ZNF680: variants seen among roughly 807,000 people sequenced by gnomAD.
ZNF680 encodes the protein zinc finger protein 680, also known as hypothetical protein FLJ90430.
ZNF680 carries 6 observed loss-of-function variants against 12.1 expected under a neutral mutation model. That is an observed-to-expected ratio of 0.49 (90% CI 0.27 to 0.98). The LOEUF (loss-of-function observed/expected upper bound fraction) is 0.98, where lower values mean the gene tolerates loss of function less well. ZNF680 is among the 50% of genes least tolerant of loss of function. The probability of loss-of-function intolerance (pLI) is 0.12; values close to 1 mark genes in which losing one functional copy is unlikely to be tolerated. For synonymous variants in ZNF680, 170 were observed against 199.3 expected (o/e 0.85, Z 1.24); for missense variants, 561 against 616.3 (o/e 0.91, Z 0.95).
intron 3 of ZNF680, among the ~76,000 whole-genome samples, chr7:64,527,420 G>T (rs1163313031): frequency 6.6e-6 from 1 of 152,060 alleles, no homozygotes; most frequent in Non-Finnish European, 1.5e-5. Context: ...AAGGTGCTGG[G>T]CACAGTGGCT....
intron 1 of ZNF680, among the ~76,000 whole-genome samples, chr7:64,545,579 C>T (rs968836674): frequency 6.6e-6 from 1 of 152,196 alleles, no homozygotes; most frequent in South Asian, 2.1e-4. Flanking sequence ...TGGAAGACTG[C>T]CCCCAAAAAG....
rs3217570 is a variant in ZNF680 at position 64,544,439 on chromosome 7, AACACACAC to A, written c.31-15_31-8del. On this transcript the variant is annotated splice_region_variant and splice_polypyrimidine_tract_variant and intron_variant, in intron 1 of 3. Coordinates refer to ENST00000309683, the MANE Select transcript of ZNF680 (RefSeq NM_178558.5). ...CCCTAAATGTCAGTGGTCCCTGAAA[AACACACAC>A]ACACACACACACACACACACACACT... is the stretch of plus-strand genomic sequence containing the variant. 3.7e-4 allele frequency: 571 copies of A among 1,535,224 alleles called. No individual in the cohort carries two copies. In the African/African-American group the frequency reaches 5.2e-3, roughly 14 times the overall value.
At chr7:64,513,778 T>C in the ZNF680 span, among the ~76,000 whole-genome samples, 3 of 152,216 alleles carry the variant, frequency 2.0e-5, no homozygotes, top group South Asian at 6.2e-4. Flanking sequence ...CCTGGGTAGC[T>C]GGGACTACAG....
At chr7:64,532,304 CAA>C (rs879716173) in intron 3 of ZNF680, among the ~76,000 whole-genome samples, 4 of 118,560 alleles carry the variant, frequency 3.4e-5, no homozygotes, top group African/African-American at 3.1e-5. Flanking sequence ...GACTCCATCT[CAA>C]AAAAAAAAAA....
intron 3 of ZNF680, chr7:64,525,675 T>C (rs1217147889): frequency 1.6e-6 from 1 of 620,638 alleles, no homozygotes; most frequent in East Asian, 1.4e-4. Context: ...ATTGTAAATG[T>C]TATGTGTTTT....
intron 1 of ZNF680, among the ~76,000 whole-genome samples, chr7:64,545,096 T>TA (rs566383113): frequency 0.012 from 1,726 of 147,518 alleles, 15 homozygotes; most frequent in Non-Finnish European, 0.015. Context: ...CCATCTCTAC[T>TA]AAAAAAAAAA....
At chr7:64,544,196 A>G (rs1206858617) in intron 2 of ZNF680, 110 bp downstream of exon 2, 2 of 1,434,788 alleles carry the variant, frequency 1.4e-6, no homozygotes, top group East Asian at 2.5e-5. Context: ...TCTTGAAAAC[A>G]GGGATCTGAA....
chr7:64,558,849 A>C (rs1013964206), intron 1 of ZNF680, among the ~76,000 whole-genome samples: 4 of 151,940 alleles, frequency 2.6e-5, no homozygotes, highest in African/African-American at 9.7e-5. Flanking sequence ...GGGGAGAAAG[A>C]AACACAAGTC....
rs184887765 is a variant in ZNF680, at chr7:64,538,242, T to C, written c.253+5465A>G. 4.0e-5 allele frequency among the ~76,000 whole-genome samples: 6 copies of C among 151,550 alleles called. No individual in the cohort carries two copies. The East Asian group carries it at 1.3e-3, about 32-fold the overall frequency. ...TTTCTTAGATACAACATTAAATGCA[T>C]GAGCAACAAAGAGAAGAACAGAATA... is the stretch of plus-strand genomic sequence containing the variant. On this transcript the variant is annotated intron_variant, in intron 3 of 3. Transcript: ENST00000309683.
At chr7:64,501,819 A>G in the ZNF680 span, 2 of 618,016 alleles carry the variant, frequency 3.2e-6, no homozygotes, top group Non-Finnish European at 6.1e-6. Flanking sequence ...CTTCTTCTCT[A>G]GTATCTTCAG....
Position 64,543,757 on chromosome 7 carries a change from C to A in ZNF680, c.203G>T (p.Gly68Val), listed in dbSNP as rs1584386070. Reference sequence around the variant, plus strand: ...TCTCTTCCTATTCCAGGGCTCTTTTCCTTGCTCCAAACAGGTTATCAGGTG... The same window carrying A: ...TCTCTTCCTATTCCAGGGCTCTTTTACTTGCTCCAAACAGGTTATCAGGTG... ...KPHLITCLEQ[G>V]KEPWNRKRQE... Residue 68 changes from glycine (G) to valine (V), a missense_variant, in exon 3 of 4, where the codon GGA becomes GTA. Gly to Val is a moderately radical substitution (Grantham distance 109). Transcript: ENST00000309683. 1.2e-6 allele frequency: 2 copies of A among 1,613,644 alleles called. No homozygotes were observed. Among genetic ancestry groups the A allele is most frequent in the Middle Eastern group, 1.6e-4 (1 of 6,062 alleles).
intron 1 of ZNF680, among the ~76,000 whole-genome samples, chr7:64,554,010 G>A (rs1315119599): frequency 6.7e-6 from 1 of 148,748 alleles, no homozygotes; most frequent in Non-Finnish European, 1.5e-5. Context: ...CCGCCACCCC[G>A]TCTAGGAAGT....
rs200167008 is a variant in ZNF680, at chr7:64,522,190, G to C, written c.564C>G (p.Gly188=). The C allele has an allele frequency of 8.1e-6, 13 of 1,612,584 alleles. No homozygotes were observed. The highest frequency in any genetic ancestry group is 1.1e-5 in the South Asian group (1 of 91,012). Residue 188 remains glycine (G), a synonymous_variant, in exon 4 of 4, where the codon GGC becomes GGG. Transcript: ENST00000309683. ...GATGTGAAAGCATGCAAAATGATTTGCCACATTCTTTACATTTGAAAACCT... is the reference window on the plus strand; with the variant it reads ...GATGTGAAAGCATGCAAAATGATTTCCCACATTCTTTACATTTGAAAACCT... ...GKKVFKCKEC[G]KSFCMLSHLT...
At chr7:64,509,404 C>A in the ZNF680 span, among the ~76,000 whole-genome samples, 1 of 152,290 alleles carries the variant, frequency 6.6e-6, no homozygotes, top group East Asian at 1.9e-4. Flanking sequence ...ATCTTAGCTT[C>A]AATACTGTCC....
chr7:64,515,324 C>T (rs961140158), downstream of ZNF680, among the ~76,000 whole-genome samples: 1 of 151,852 alleles, frequency 6.6e-6, no homozygotes, highest in Admixed American at 6.6e-5. Flanking sequence ...TTCCAAAAAC[C>T]CTTAAACTAG....
chr7:64,541,054 G>A (rs867476597), intron 3 of ZNF680, among the ~76,000 whole-genome samples: 16 of 152,142 alleles, frequency 1.1e-4, no homozygotes, highest in African/African-American at 3.6e-4. Context: ...CAAAACAATA[G>A]TCTTGCATTG....
chr7:64,528,714 C>T (rs1456903044), intron 3 of ZNF680, among the ~76,000 whole-genome samples: 2 of 152,120 alleles, frequency 1.3e-5, no homozygotes, highest in African/African-American at 2.4e-5. Flanking sequence ...TAGCCCTGCC[C>T]CTACCCAGTG....
chr7:64,562,065 C>G (rs1220846623), intron 1 of ZNF680, among the ~76,000 whole-genome samples: 1 of 150,150 alleles, frequency 6.7e-6, no homozygotes, highest in African/African-American at 2.5e-5. Flanking sequence ...AAACCCGTCT[C>G]TACTAAAAAT....
At chr7:64,546,103 G>A (rs905089488) in intron 1 of ZNF680, among the ~76,000 whole-genome samples, 1 of 152,078 alleles carries the variant, frequency 6.6e-6, no homozygotes, top group African/African-American at 2.4e-5. Flanking sequence ...AGCTCATTAG[G>A]GAGGAAAAGA....
Sources: allele counts gnomAD v4.1 joint callset (sites outside exome capture counted in the v4.1 genomes callset), GRCh38; gene constraint gnomAD v4.1.1; transcripts MANE v1.5; gene names NCBI Gene and HGNC (gene_info 2026-07-23, HGNC 2026-07-21).